Variants in ROBO1 observed in about 807,000 individuals in gnomAD.
ROBO1 encodes the protein roundabout homolog 1.
In ROBO1, 149 loss-of-function variants were observed where a neutral mutation model predicts 195.9. The ratio of observed to expected loss-of-function variants is 0.76; its 90% CI spans 0.67 to 0.87. ROBO1 has a LOEUF of 0.87. Ranked by LOEUF, ROBO1 falls within the 40% of genes least tolerant of loss-of-function variation. The probability of loss-of-function intolerance (pLI) is 0.00; values close to 1 mark genes in which losing one functional copy is unlikely to be tolerated. For missense variants in ROBO1, 1,933 were observed against 2,068.3 expected, an observed-to-expected ratio of 0.93 and a Z score of 1.27; for synonymous variants, 816 against 733.2, an observed-to-expected ratio of 1.11 and a Z score of -1.82.
At chr3:79,360,026 A>G (rs2035707323) in intron 2 of ROBO1, among the ~76,000 whole-genome samples, 1 of 151,784 alleles carries the variant, frequency 6.6e-6, no homozygotes, top group African/African-American at 2.4e-5. Flanking sequence ...TACACTTTGG[A>G]CTCTATTTCT....
intron 10 of ROBO1, among the ~76,000 whole-genome samples, chr3:78,675,377 G>C (rs554495765): frequency 6.6e-6 from 1 of 152,154 alleles, no homozygotes; most frequent in Non-Finnish European, 1.5e-5. Flanking sequence ...TGCCTCACTC[G>C]GGAAGCGCAA....
intron 2 of ROBO1, among the ~76,000 whole-genome samples, chr3:79,202,805 C>T (rs2081793586): frequency 1.3e-5 from 2 of 151,936 alleles, no homozygotes; most frequent in African/African-American, 4.8e-5. Flanking sequence ...TTTTTAGTTC[C>T]TTAAGCCTTA....
chr3:78,693,301 C>A, intron 8 of ROBO1: 1 of 1,548,982 alleles, frequency 6.5e-7, no homozygotes, highest in South Asian at 1.2e-5. Flanking sequence ...AAGTTCCAGT[C>A]ACAGTGACAC....
intron 2 of ROBO1, among the ~76,000 whole-genome samples, chr3:79,304,539 A>G (rs1479530455): frequency 6.6e-6 from 1 of 152,126 alleles, no homozygotes; most frequent in Non-Finnish European, 1.5e-5. Flanking sequence ...TCTCCACCCC[A>G]AGCAACCACC....
At chr3:79,106,001 A>G (rs998543546) in intron 3 of ROBO1, among the ~76,000 whole-genome samples, 8 of 151,752 alleles carry the variant, frequency 5.3e-5, no homozygotes, top group Non-Finnish European at 1.0e-4. Flanking sequence ...GGTAATGTAT[A>G]TATTGAAAGT....
At chr3:79,589,407 C>T (rs1943926388) in intron 2 of ROBO1, among the ~76,000 whole-genome samples, 1 of 151,808 alleles carries the variant, frequency 6.6e-6, no homozygotes, top group East Asian at 1.9e-4. Flanking sequence ...TAACATGTTA[C>T]TACGCTAAGA....
intron 2 of ROBO1, among the ~76,000 whole-genome samples, chr3:79,398,360 A>G (rs988499478): frequency 1.3e-5 from 2 of 152,148 alleles, no homozygotes; most frequent in Non-Finnish European, 2.9e-5. Flanking sequence ...ACTTTTATAT[A>G]TTGAAGACAT....
chr3:79,103,731 T>C (rs2079722589), intron 3 of ROBO1, among the ~76,000 whole-genome samples: 1 of 151,710 alleles, frequency 6.6e-6, no homozygotes, highest in African/African-American at 2.4e-5. Context: ...CACATGCATA[T>C]ACAGACACAA....
At chr3:79,273,526 AT>A (rs1222906168) in intron 2 of ROBO1, among the ~76,000 whole-genome samples, 3 of 152,074 alleles carry the variant, frequency 2.0e-5, no homozygotes, top group Non-Finnish European at 2.9e-5. Flanking sequence ...ACACAAAAAA[AT>A]GAAAGGCAAA....
At chr3:79,282,592 A>C (rs2031594945) in intron 2 of ROBO1, among the ~76,000 whole-genome samples, 1 of 152,232 alleles carries the variant, frequency 6.6e-6, no homozygotes, top group Admixed American at 6.6e-5. Context: ...AGGGAGAACA[A>C]GAAGTCTAAG....
At chr3:79,006,393 T>C (rs911236741) in intron 3 of ROBO1, among the ~76,000 whole-genome samples, 24 of 152,076 alleles carry the variant, frequency 1.6e-4, no homozygotes, top group African/African-American at 5.3e-4. Context: ...AGTAAGGAGA[T>C]ACTGATGTAT....
intron 3 of ROBO1, among the ~76,000 whole-genome samples, chr3:79,087,438 C>A (rs2079391715): frequency 6.6e-6 from 1 of 151,972 alleles, no homozygotes; most frequent in African/African-American, 2.4e-5. Flanking sequence ...ATACTCCTAA[C>A]CAATTTTTCT....
At chr3:79,586,011 G>A (rs1334330884) in intron 2 of ROBO1, among the ~76,000 whole-genome samples, 1 of 151,798 alleles carries the variant, frequency 6.6e-6, no homozygotes, top group Admixed American at 6.6e-5. Context: ...TAAGAAGCAC[G>A]CATGCAACAT....
At chr3:79,708,065 T>C (rs1014414964) in intron 1 of ROBO1, among the ~76,000 whole-genome samples, 2 of 152,144 alleles carry the variant, frequency 1.3e-5, no homozygotes, top group South Asian at 2.1e-4. Context: ...TATGCCACCA[T>C]AAAATATGCT....
intron 2 of ROBO1, among the ~76,000 whole-genome samples, chr3:79,441,882 A>C (rs564336501): frequency 6.6e-6 from 1 of 152,258 alleles, no homozygotes; most frequent in East Asian, 1.9e-4. Context: ...CCACAACATA[A>C]AATGATTTCA....
chr3:79,228,512 A>G (rs1014005640), intron 2 of ROBO1, among the ~76,000 whole-genome samples: 8 of 152,198 alleles, frequency 5.3e-5, no homozygotes, highest in Admixed American at 2.0e-4. Flanking sequence ...CTTGAAATTT[A>G]GTGCAAGAAA....
intron 1 of ROBO1, among the ~76,000 whole-genome samples, chr3:79,667,168 A>G (rs1946499657): frequency 6.6e-6 from 1 of 151,904 alleles, no homozygotes. Flanking sequence ...CATGCCATAG[A>G]ATGAAAATAT....
chr3:78,646,199 T>C lies in ROBO1; in HGVS notation c.2840-9A>G, dbSNP rs752704051. 3 of 1,602,726 alleles carry C rather than the reference T, an allele frequency of 1.9e-6. No homozygotes were observed. Among genetic ancestry groups the C allele is most frequent in the Non-Finnish European group, 2.6e-6 (3 of 1,173,568 alleles). On this transcript the variant is annotated splice_polypyrimidine_tract_variant and intron_variant, in intron 20 of 30. Transcript: ENST00000464233. The stretch of plus-strand genomic sequence containing the variant: ...TCCTCTCTGGTAAGTTACTAGAATG[T>C]TACGAAAAAAAAAAGGAACAATTAA...
At chr3:79,240,605 T>C (rs1024758075) in intron 2 of ROBO1, among the ~76,000 whole-genome samples, 1 of 152,162 alleles carries the variant, frequency 6.6e-6, no homozygotes, top group African/African-American at 2.4e-5. Flanking sequence ...CTGAAAACAT[T>C]TGTATTGCTA....
Sources: allele counts gnomAD v4.1 joint callset (sites outside exome capture counted in the v4.1 genomes callset), GRCh38; gene constraint gnomAD v4.1.1; transcripts MANE v1.5; gene names NCBI Gene and HGNC (gene_info 2026-07-23, HGNC 2026-07-21).